ARHGEF3: variants seen among roughly 807,000 people sequenced by gnomAD.
ARHGEF3 encodes Rho guanine nucleotide exchange factor 3, also known as 59.8 kDA protein.
ARHGEF3 carries 28 observed loss-of-function variants against 63.2 expected under a neutral mutation model. The observed-to-expected ratio is 0.44, with a 90% confidence interval of 0.33 to 0.61. The LOEUF is 0.61. Ranked by LOEUF, ARHGEF3 falls within the 20% of genes least tolerant of loss-of-function variation. The probability of loss-of-function intolerance (pLI) is 0.03; values close to 1 mark genes in which losing one functional copy is unlikely to be tolerated. For synonymous variants in ARHGEF3, 266 were observed against 254.2 expected (o/e 1.05, Z -0.44); for missense variants, 533 against 659.3 (o/e 0.81, Z 2.10).
chr3:56,857,222 A>C (rs2108172033), intron 4 of ARHGEF3, among the ~76,000 whole-genome samples: 1 of 152,358 alleles, frequency 6.6e-6, no homozygotes, highest in African/African-American at 2.4e-5. Flanking sequence ...TACAGTGGCC[A>C]CGGTGGGTTG....
intron 7 of ARHGEF3, among the ~76,000 whole-genome samples, chr3:56,738,427 C>A (rs562190034): frequency 3.3e-5 from 5 of 152,274 alleles, no homozygotes; most frequent in African/African-American, 9.6e-5. Context: ...CCACCTCTGC[C>A]TTCCAAAGTG....
intron 3 of ARHGEF3, among the ~76,000 whole-genome samples, chr3:56,957,201 T>A (rs888786897): frequency 1.3e-5 from 2 of 152,240 alleles, no homozygotes; most frequent in Non-Finnish European, 2.9e-5. Flanking sequence ...ATTTCAGAAG[T>A]CAACACATTT....
At chr3:56,910,217 T>C (rs1201206168) in intron 3 of ARHGEF3, among the ~76,000 whole-genome samples, 1 of 152,200 alleles carries the variant, frequency 6.6e-6, no homozygotes, top group Non-Finnish European at 1.5e-5. Flanking sequence ...ATTAGGTCAC[T>C]TTGTGTGTGT....
intron 3 of ARHGEF3, among the ~76,000 whole-genome samples, chr3:56,936,710 C>A (rs1178317427): frequency 1.3e-5 from 2 of 152,160 alleles, no homozygotes; most frequent in African/African-American, 4.8e-5. Context: ...AACTGTGAGA[C>A]ACATTCCAAA....
chr3:56,792,737 T>A (rs17235733), intron 1 of ARHGEF3, among the ~76,000 whole-genome samples: 47,068 of 152,144 alleles, frequency 0.31, 8,108 homozygotes, highest in Middle Eastern at 0.55. Flanking sequence ...TTTTCTCCAC[T>A]AGAGCTAGAA....
intron 1 of ARHGEF3, among the ~76,000 whole-genome samples, chr3:57,069,880 G>C (rs2107393128): frequency 1.3e-5 from 2 of 152,298 alleles, no homozygotes; most frequent in East Asian, 3.9e-4. Context: ...CCTAGCCTGA[G>C]GCAATGCTCC....
chr3:56,817,322 T>C (rs1320039514), intron 4 of ARHGEF3, among the ~76,000 whole-genome samples: 1 of 152,108 alleles, frequency 6.6e-6, no homozygotes, highest in East Asian at 1.9e-4. Flanking sequence ...AGCGAGGAGA[T>C]AAGTCTGGAG....
chr3:57,060,639 A>ACCAGG (rs1705170886), intron 1 of ARHGEF3: 1 of 152,142 alleles, frequency 6.6e-6, no homozygotes. Flanking sequence ...GGCCCATGTG[A>ACCAGG]CCCAGGGTCC....
chr3:57,019,029 A>G (rs984382272), intron 2 of ARHGEF3, among the ~76,000 whole-genome samples: 6 of 152,186 alleles, frequency 3.9e-5, no homozygotes, highest in African/African-American at 1.4e-4. Context: ...GATGAGAATG[A>G]CCGAGTCCAA....
At chr3:57,051,326 A>G (rs1455097332) in intron 1 of ARHGEF3, among the ~76,000 whole-genome samples, 2 of 151,962 alleles carry the variant, frequency 1.3e-5, no homozygotes, top group African/African-American at 4.8e-5. Context: ...CATCTCTACT[A>G]AAAATACAAA....
intron 1 of ARHGEF3, among the ~76,000 whole-genome samples, chr3:56,793,197 T>C (rs910302663): frequency 1.9e-4 from 27 of 139,696 alleles, no homozygotes; most frequent in Admixed American, 1.2e-3. Flanking sequence ...TGAGATGGAG[T>C]CTTGCTCTGT....
chr3:57,008,098 T>C (rs1358811685), intron 2 of ARHGEF3, among the ~76,000 whole-genome samples: 1 of 152,188 alleles, frequency 6.6e-6, no homozygotes, highest in African/African-American at 2.4e-5. Context: ...CTCCAAAATA[T>C]ATTAACCGTG....
intron 1 of ARHGEF3, among the ~76,000 whole-genome samples, chr3:57,064,393 G>A (rs1032100231): frequency 2.6e-5 from 4 of 151,230 alleles, no homozygotes; most frequent in African/African-American, 9.8e-5. Flanking sequence ...GCAAGATCAC[G>A]GCTCACTGCA....
At chr3:56,811,262 C>T (rs2038052623) in intron 4 of ARHGEF3, among the ~76,000 whole-genome samples, 1 of 152,024 alleles carries the variant, frequency 6.6e-6, no homozygotes, top group African/African-American at 2.4e-5. Flanking sequence ...ATCTTCATAG[C>T]CAGAGGGCAT....
At chr3:57,046,185 C>T (rs187108187) in intron 1 of ARHGEF3, among the ~76,000 whole-genome samples, 8 of 152,322 alleles carry the variant, frequency 5.3e-5, no homozygotes, top group Admixed American at 3.3e-4. Flanking sequence ...GACCTGTTCT[C>T]TAACTGCAAA....
intron 3 of ARHGEF3, among the ~76,000 whole-genome samples, chr3:56,888,063 C>T (rs2040981533): frequency 6.6e-6 from 1 of 151,718 alleles, no homozygotes; most frequent in African/African-American, 2.4e-5. Flanking sequence ...GAGAAAAAAC[C>T]TGCCCATTCA....
intron 4 of ARHGEF3, among the ~76,000 whole-genome samples, chr3:56,870,806 C>T (rs4681920): frequency 0.11 from 14,451 of 126,332 alleles, 849 homozygotes; most frequent in Non-Finnish European, 0.16. Context: ...GTAAAGTCTA[C>T]CCTATATAGA....
intron 7 of ARHGEF3, among the ~76,000 whole-genome samples, chr3:56,742,849 C>T (rs960791187): frequency 1.3e-5 from 2 of 152,190 alleles, no homozygotes; most frequent in African/African-American, 4.8e-5. Context: ...GTTACTGGCA[C>T]ATCATTTTGA....
intron 7 of ARHGEF3, 138 bp from the exon 8 acceptor site, chr3:56,737,493 G>GAC: frequency 2.3e-6 from 1 of 436,406 alleles, no homozygotes; most frequent in African/African-American, 4.4e-5. Context: ...TTTGGGAAAA[G>GAC]AGAAAAAAAA....
Sources: gnomAD v4.1 joint callset for allele counts (sites outside exome capture counted in the v4.1 genomes callset) on GRCh38, gnomAD v4.1.1 for gene constraint, MANE v1.5 for transcripts, NCBI Gene and HGNC (gene_info 2026-07-23, HGNC 2026-07-21) for gene names.